Variants in RNF111 observed in about 807,000 individuals in gnomAD.
RNF111 encodes the protein E3 ubiquitin-protein ligase Arkadia.
A neutral mutation model predicts 95.1 loss-of-function variants in RNF111; 17 were observed. The observed-to-expected ratio is 0.18, with a 90% CI of 0.12 to 0.27. The LOEUF is 0.27. RNF111 is among the 10% of genes least tolerant of loss of function. The pLI, the probability that RNF111 is intolerant of heterozygous loss-of-function variation, is 1.00. For synonymous variants in RNF111, 440 were observed against 414.8 expected (o/e 1.06, Z -0.74); for missense variants, 1,189 against 1,210.4 (o/e 0.98, Z 0.26).
At chr15:59,067,403 A>C (rs553753730) in intron 6 of RNF111, among the ~76,000 whole-genome samples, 5 of 151,402 alleles carry the variant, frequency 3.3e-5, no homozygotes, top group African/African-American at 1.2e-4. Context: ...AAAACCCAGC[A>C]TGAGGGAGTA....
intron 1 of RNF111, among the ~76,000 whole-genome samples, chr15:58,997,082 TTTAAG>T (rs1310963910): frequency 6.6e-6 from 1 of 152,226 alleles, no homozygotes; most frequent in African/African-American, 2.4e-5. Context: ...AGTGTCTTTT[TTTAAG>T]TTAATTTTTT....
At position 59,081,290 on chromosome 15, in the gene RNF111, T is replaced by C. The variant is rs1292225387; in HGVS notation, c.2297+6T>C. 1.9e-6 allele frequency: 3 copies of C among 1,606,830 alleles called. No individual in the cohort carries two copies. The highest frequency in any genetic ancestry group is 2.6e-6 in the Non-Finnish European group (3 of 1,174,756). On this transcript the variant is annotated splice_donor_region_variant and intron_variant, in intron 8 of 13. Transcript: ENST00000348370. ...AGGATGATGCAGCATCCAACGTATG[T>C]TTTACGTTTTTAAAAAGAAAGTCAA...
rs1201808768 is a variant in RNF111, at chr15:59,076,027, C to T, written c.1760C>T (p.Ala587Val). 9.9e-6 allele frequency: 16 copies of T among 1,614,186 alleles called. No individual in the cohort carries two copies. The highest frequency in any genetic ancestry group is 1.3e-5 in the Non-Finnish European group (15 of 1,180,044). The part of the protein sequence containing the change: ...HGSGSFHGAS[A>V]FDPCCPVSSS... The stretch of plus-strand genomic sequence containing the variant: ...AGTGGCAGTTTTCATGGAGCATCTG[C>T]ATTTGACCCCTGCTGCCCTGTTTCT... Residue 587 changes from alanine to valine, a missense_variant, in exon 7 of 14, where the codon GCA becomes GTA. By Grantham distance (64) the Ala-to-Val change is moderately conservative. Coordinates refer to ENST00000348370, the MANE Select transcript of RNF111 (RefSeq NM_017610.8).
intron 2 of RNF111, among the ~76,000 whole-genome samples, chr15:59,045,448 C>A (rs1049232975): frequency 9.2e-5 from 14 of 152,272 alleles, no homozygotes; most frequent in Non-Finnish European, 2.1e-4. Context: ...CTTAGCCTCC[C>A]AAAGTGCTGG....
intron 1 of RNF111, among the ~76,000 whole-genome samples, chr15:59,013,381 C>T (rs1483945617): frequency 6.6e-6 from 1 of 152,146 alleles, no homozygotes; most frequent in African/African-American, 2.4e-5. Flanking sequence ...ACTCTGGTTT[C>T]ACAGTTTCTC....
chr15:59,000,716 A>G (rs2039291080), intron 1 of RNF111, among the ~76,000 whole-genome samples: 1 of 152,084 alleles, frequency 6.6e-6, no homozygotes, highest in African/African-American at 2.4e-5. Flanking sequence ...CTCAAAAAAA[A>G]AAAAAAAAGA....
In RNF111 at chr15:59,034,976, AAG is replaced by A. The variant is rs2041101058; in HGVS notation, c.880+3275_880+3276del. Reference sequence around the variant, plus strand: ...CCAAGACTGGGTAATTTATAAAGGAAAGGGGTTTAATTGGCTCACAGTTCCAC... The same window carrying A: ...CCAAGACTGGGTAATTTATAAAGGAAGGGTTTAATTGGCTCACAGTTCCAC... On this transcript the variant is annotated intron_variant, in intron 2 of 13. Transcript: ENST00000348370. Among the ~76,000 whole-genome samples the A allele has an allele frequency of 3.3e-5, 5 of 152,308 alleles. No individual in the cohort carries two copies. In the South Asian group the frequency reaches 8.3e-4, roughly 25 times the overall value.
intron 10 of RNF111, 111 bp downstream of exon 10, chr15:59,085,896 G>T: frequency 5.3e-6 from 5 of 942,528 alleles, no homozygotes; most frequent in Non-Finnish European, 7.6e-6. Flanking sequence ...GAATTTGAGA[G>T]TAATCTTGTT....
chr15:59,092,359 C>G (rs1475012744), intron 12 of RNF111, among the ~76,000 whole-genome samples, 178 bp from the exon 13 acceptor site: 2 of 152,158 alleles, frequency 1.3e-5, no homozygotes, highest in African/African-American at 4.8e-5. Context: ...TAAAAATATA[C>G]TTAATTGATG....
At chr15:59,050,506 C>T (rs904234335) in intron 2 of RNF111, 1 of 152,178 alleles carries the variant, frequency 6.6e-6, no homozygotes, top group African/African-American at 2.4e-5. Context: ...TACCCTGACA[C>T]TAGACTCTAT....
At chr15:59,054,871 A>T (rs2042140448) in intron 3 of RNF111, among the ~76,000 whole-genome samples, 1 of 152,212 alleles carries the variant, frequency 6.6e-6, no homozygotes, top group Non-Finnish European at 1.5e-5. Flanking sequence ...AACAGGAGAA[A>T]GCCCTTGTGT....
intron 6 of RNF111, 36 bp from the exon 7 acceptor site, chr15:59,075,918 C>T: frequency 2.5e-6 from 4 of 1,602,096 alleles, no homozygotes; most frequent in Non-Finnish European, 3.4e-6. Context: ...TTTGACCAAA[C>T]TTTAGAAAGA....
intron 2 of RNF111, among the ~76,000 whole-genome samples, chr15:59,033,225 A>G (rs2041004142): frequency 6.6e-6 from 1 of 152,116 alleles, no homozygotes; most frequent in South Asian, 2.1e-4. Flanking sequence ...CTGCTAGTCT[A>G]CTTTTGGATG....
rs185229383 is a variant in RNF111 at position 59,041,279 on chromosome 15, C to T, written c.880+9577C>T. ...TGCAATAAATAGCTTTTCTTGACCCCGTGCAGTGGCTCACGCCTGTAATCC... is the reference window on the plus strand; with the variant it reads ...TGCAATAAATAGCTTTTCTTGACCCTGTGCAGTGGCTCACGCCTGTAATCC... On this transcript the variant is annotated intron_variant, in intron 2 of 13. Transcript: ENST00000348370. Among the ~76,000 whole-genome samples the T allele has an allele frequency of 7.2e-5, 11 of 151,954 alleles. No individual in the cohort carries two copies. In the East Asian group the frequency reaches 1.2e-3, roughly 16 times the overall value.
chr15:59,053,834 A>G (rs2042092983), intron 3 of RNF111, among the ~76,000 whole-genome samples: 1 of 152,176 alleles, frequency 6.6e-6, no homozygotes, highest in South Asian at 2.1e-4. Context: ...ATCTTGAAAA[A>G]GACCCACAGT....
intron 3 of RNF111, among the ~76,000 whole-genome samples, chr15:59,052,639 C>T (rs1247788892): frequency 1.4e-5 from 2 of 147,072 alleles, no homozygotes; most frequent in Admixed American, 1.4e-4. Flanking sequence ...ACTTCTACCC[C>T]TTGGCTCAAG....
At position 59,097,272 on chromosome 15, in the gene RNF111, C is replaced by T. The variant is rs1412568847; in HGVS notation, c.*2372C>T. 6.6e-6 allele frequency: 1 copy of T among 152,194 alleles called. No homozygotes were observed. Among genetic ancestry groups the T allele is most frequent in the Non-Finnish European group, 1.5e-5 (1 of 68,032 alleles). 9.4% of individuals were successfully genotyped at this position (152,194 alleles called of 1,614,324 possible). ...ATAAAAACTAAAATTCTTTTGTTAG[C>T]AAGTCCTTATTTTTATTGTTGTTAA... is the stretch of plus-strand genomic sequence containing the variant. On this transcript the variant is annotated 3_prime_UTR_variant, in exon 14 of 14. Coordinates refer to ENST00000348370, the MANE Select transcript of RNF111 (RefSeq NM_017610.8).
At chr15:59,089,573 T>C in intron 10 of RNF111, 94 bp from the exon 11 acceptor site, 1 of 955,168 alleles carries the variant, frequency 1.0e-6, no homozygotes, top group African/African-American at 1.6e-5. Flanking sequence ...GCAGTTGAAT[T>C]GAAAACATTG....
At chr15:59,070,704 T>G (rs1163496198) in intron 6 of RNF111, among the ~76,000 whole-genome samples, 5 of 152,142 alleles carry the variant, frequency 3.3e-5, no homozygotes, top group Admixed American at 2.0e-4. Flanking sequence ...TTTCCCAACT[T>G]GAGTATCATC....
Sources: gnomAD v4.1 joint callset for allele counts (sites outside exome capture counted in the v4.1 genomes callset) on GRCh38, gnomAD v4.1.1 for gene constraint, MANE v1.5 for transcripts, NCBI Gene and HGNC (gene_info 2026-07-23, HGNC 2026-07-21) for gene names.